The following CLCNKA variants were observed in gnomAD, a reference collection of about 807,000 sequenced individuals.
The protein encoded by CLCNKA is chloride voltage-gated channel Ka, also known as chloride channel protein ClC-Ka.
A neutral mutation model predicts 83.3 loss-of-function variants in CLCNKA; 66 were observed. The observed-to-expected ratio is 0.79, with a 90% confidence interval of 0.65 to 0.97. The LOEUF (loss-of-function observed/expected upper bound fraction) is 0.97. CLCNKA is among the 50% of genes least tolerant of loss of function. CLCNKA has a pLI of 0.00. For missense variants in CLCNKA, 806 were observed against 888.7 expected, an observed-to-expected ratio of 0.91 and a Z score of 1.18; for synonymous variants, 357 against 370.4, an observed-to-expected ratio of 0.96 and a Z score of 0.42.
chr1:16,026,917 C>A, intron 7 of CLCNKA, 142 bp downstream of exon 7: 1 of 1,142,530 alleles, frequency 8.8e-7, no homozygotes, highest in Non-Finnish European at 1.3e-6. Context: ...TGGGTATAGC[C>A]ACCCCCCGGG....
rs1490218549 is a variant in CLCNKA at position 16,029,810 on chromosome 1, G to A, written c.1297+10G>A. On this transcript the variant is annotated intron_variant, in intron 13 of 19. Transcript: ENST00000331433. ...CCCATCTTTATCCTTGGTGAGTCTG[G>A]GGTCCTGAGGTTCTGAGAGTTTTGG... is the stretch of plus-strand genomic sequence containing the variant. 6.2e-7 allele frequency: 1 copy of A among 1,613,974 alleles called. No homozygotes were observed. Among genetic ancestry groups the A allele is most frequent in the Non-Finnish European group, 8.5e-7 (1 of 1,180,010 alleles).
At position 16,027,307 on chromosome 1, in the gene CLCNKA, C is replaced by A. The variant is rs1227394826; in HGVS notation, c.656-3C>A. 35 of 1,613,082 alleles carry A rather than the reference C, an allele frequency of 2.2e-5. No individual in the cohort carries two copies. The highest frequency in any genetic ancestry group is 2.9e-5 in the Non-Finnish European group (34 of 1,179,992). ...GCCCACCTGACATCAGTGTCGCCCCCAGGCGTCCTGTTCAGCATCGAGGTC... is the reference window on the plus strand; with the variant it reads ...GCCCACCTGACATCAGTGTCGCCCCAAGGCGTCCTGTTCAGCATCGAGGTC... On this transcript the variant is annotated splice_region_variant and splice_polypyrimidine_tract_variant and intron_variant, in intron 7 of 19. Coordinates refer to ENST00000331433, the MANE Select transcript of CLCNKA (RefSeq NM_004070.4).
At chr1:16,029,502 T>C (rs964348677) in intron 12 of CLCNKA, among the ~76,000 whole-genome samples, 1 of 152,164 alleles carries the variant, frequency 6.6e-6, no homozygotes, top group African/African-American at 2.4e-5. Flanking sequence ...ATGGGGTGGT[T>C]ACTGGGAAGG....
intron 7 of CLCNKA, 74 bp from the exon 8 acceptor site, chr1:16,027,236 G>A (rs977949386): frequency 7.5e-6 from 12 of 1,596,844 alleles, no homozygotes; most frequent in Non-Finnish European, 1.0e-5. Context: ...GGGAGGAGGC[G>A]AGATGGGGGA....
At chr1:16,024,013 G>A (rs918792627) in intron 3 of CLCNKA, 85 bp downstream of exon 3, 34 of 1,552,488 alleles carry the variant, frequency 2.2e-5, no homozygotes, top group African/African-American at 1.5e-4. Flanking sequence ...CAAGTGCAGC[G>A]GTGCAGGGAC....
chr1:16,027,510 T>C, intron 8 of CLCNKA, 75 bp downstream of exon 8: 1 of 1,587,904 alleles, frequency 6.3e-7, no homozygotes, highest in Non-Finnish European at 8.6e-7. Flanking sequence ...CTCCTCTGTG[T>C]ACATCTCTTG....
intron 3 of CLCNKA, 148 bp from the exon 4 acceptor site, chr1:16,024,615 C>T (rs1197501444): frequency 9.0e-7 from 1 of 1,110,070 alleles, no homozygotes; most frequent in Admixed American, 2.3e-5. Flanking sequence ...CGTACTCCTG[C>T]CTTTTCTTGG....
intron 2 of CLCNKA, among the ~76,000 whole-genome samples, chr1:16,023,194 GC>G (rs1378850437): frequency 6.6e-6 from 1 of 152,222 alleles, no homozygotes; most frequent in East Asian, 1.9e-4. Flanking sequence ...AGTGGCTGGT[GC>G]CCACAGCCAG....
intron 15 of CLCNKA, 92 bp from the exon 16 acceptor site, chr1:16,031,618 C>T: frequency 6.3e-7 from 1 of 1,586,610 alleles, no homozygotes; most frequent in Non-Finnish European, 8.6e-7. Flanking sequence ...CCGTGGGTCC[C>T]TGGTTCAAGC....
chr1:16,031,675 A>G, intron 15 of CLCNKA, 35 bp from the exon 16 acceptor site: 1 of 1,613,066 alleles, frequency 6.2e-7, no homozygotes, highest in East Asian at 2.2e-5. Flanking sequence ...GACATCCCCG[A>G]CTCCGGGACC....
At chr1:16,026,276 C>T (rs748225468) in intron 5 of CLCNKA, 29 bp downstream of exon 5, 13 of 1,611,706 alleles carry the variant, frequency 8.1e-6, no homozygotes, top group Non-Finnish European at 1.0e-5. Context: ...GCACCCCAGC[C>T]ACCCCGCCCA....
chr1:16,028,245 C>T (rs971777306), intron 10 of CLCNKA, 126 bp downstream of exon 10: 16 of 876,718 alleles, frequency 1.8e-5, no homozygotes, highest in African/African-American at 6.5e-5. Flanking sequence ...CGTGGAGCAT[C>T]TAACAACCCT....
Position 16,032,254 on chromosome 1 carries a change from T to C in CLCNKA, c.1808T>C (p.Leu603Pro). Reference protein sequence around the residue: ...IVQRAQLVQALQAEPPSRAPG... With the variant: ...IVQRAQLVQAPQAEPPSRAPG... ...CAGAGGGCCCAGCTGGTGCAGGCCCTCCAGGCTGAGCCTCCTTCCAGGGCT... is the reference window on the plus strand; with the variant it reads ...CAGAGGGCCCAGCTGGTGCAGGCCCCCCAGGCTGAGCCTCCTTCCAGGGCT... Residue 603 changes from leucine (L) to proline (P), a missense_variant, in exon 17 of 20, where the codon CTC becomes CCC. Coordinates refer to ENST00000331433, the MANE Select transcript of CLCNKA (RefSeq NM_004070.4). 2 of 1,519,642 alleles carry C rather than the reference T, an allele frequency of 1.3e-6. No individual in the cohort carries two copies. The highest frequency in any genetic ancestry group is 1.8e-6 in the Non-Finnish European group (2 of 1,124,126). 94.1% of individuals were successfully genotyped at this position (1,519,642 alleles called of 1,614,324 possible).
chr1:16,026,365 G>A, intron 5 of CLCNKA, 118 bp downstream of exon 5: 1 of 1,488,022 alleles, frequency 6.7e-7, no homozygotes, highest in Non-Finnish European at 9.2e-7. Flanking sequence ...TGCCTTCAGG[G>A]AGCTCAGTCT....
At position 16,022,631 on chromosome 1, in the gene CLCNKA, G is replaced by T. The variant is rs1172313471; in HGVS notation, c.12G>T (p.Leu4Phe). The change falls in exon 2 of 20, where the codon TTG (leucine) becomes TTT (phenylalanine). Residue 4 changes from leucine (L) to phenylalanine (F), a missense_variant. Coordinates refer to ENST00000331433, the MANE Select transcript of CLCNKA (RefSeq NM_004070.4). MEE[L>F]VGLREGFSGD... Reference sequence around the variant, plus strand: ...TCTCCAGGGGCCTGATGGAGGAGTTGGTGGGGCTGCGTGAGGGCTTCTCAG... The same window carrying T: ...TCTCCAGGGGCCTGATGGAGGAGTTTGTGGGGCTGCGTGAGGGCTTCTCAG... The T allele has an allele frequency of 1.9e-5, 30 of 1,566,290 alleles. No homozygotes were observed. The highest frequency in any genetic ancestry group is 4.0e-5 in the African/African-American group (3 of 74,222).
chr1:16,022,615 G>A lies in CLCNKA; in HGVS notation c.-5G>A, dbSNP rs145184883. On this transcript the variant is annotated splice_region_variant and 5_prime_UTR_variant, in exon 2 of 20. Coordinates refer to ENST00000331433, the MANE Select transcript of CLCNKA (RefSeq NM_004070.4). The stretch of plus-strand genomic sequence containing the variant: ...CTTCCCTCCATCTGCTTCTCCAGGG[G>A]CCTGATGGAGGAGTTGGTGGGGCTG... 546 of 1,559,764 alleles carry A rather than the reference G, an allele frequency of 3.5e-4. 2 individuals are homozygous for A. Among genetic ancestry groups the A allele is most frequent in the Non-Finnish European group, 4.0e-4 (458 of 1,150,998 alleles).
Position 16,026,159 on chromosome 1 carries a change from A to T in CLCNKA, c.410A>T (p.Asp137Val). Residue 137 changes from aspartate to valine, a missense_variant, in exon 5 of 20, where the codon GAC becomes GTC. Physicochemically the swap from Asp to Val is radical, Grantham distance 152. Transcript: ENST00000331433. ...ATGTTGGCGGGTGTGATCTTGGAGG[A>T]CTACCTGGATATCAAGAACTTTGGG... ...KTMLAGVILEDYLDIKNFGAK... is the reference protein window; with the variant it reads ...KTMLAGVILEVYLDIKNFGAK... The T allele has an allele frequency of 6.2e-7, 1 of 1,613,466 alleles. No homozygotes were observed. Among genetic ancestry groups the T allele is most frequent in the Non-Finnish European group, 8.5e-7 (1 of 1,180,026 alleles).
Position 16,027,409 on chromosome 1 carries a change from T to A in CLCNKA, c.755T>A (p.Leu252His), listed in dbSNP as rs1182848553. The A allele has an allele frequency of 1.9e-6, 3 of 1,613,944 alleles. No individual in the cohort carries two copies. In the South Asian group the frequency reaches 3.3e-5, roughly 18 times the overall value. ...AATCGAFIFRLLAVFNSEQET... is the reference protein window; with the variant it reads ...AATCGAFIFRHLAVFNSEQET... ...ACCTGCGGGGCCTTCATATTCCGGC[T>A]CCTGGCAGTCTTCAACAGCGAGCAG... Residue 252 changes from leucine (L) to histidine (H), a missense_variant, in exon 8 of 20, where the codon CTC (leucine) becomes CAC (histidine). Coordinates refer to ENST00000331433, the MANE Select transcript of CLCNKA (RefSeq NM_004070.4).
chr1:16,027,963 C>A lies in CLCNKA; in HGVS notation c.867-55C>A. ...AAAGGCATTCCCCCCAAGGCCTGGACTGCGGCCCCTGGTACTGGGGTCAGG... is the reference window on the plus strand; with the variant it reads ...AAAGGCATTCCCCCCAAGGCCTGGAATGCGGCCCCTGGTACTGGGGTCAGG... On this transcript the variant is annotated intron_variant, in intron 9 of 19. Transcript: ENST00000331433. 7.4e-6 allele frequency: 12 copies of A among 1,614,040 alleles called. No homozygotes were observed. In the South Asian group the frequency reaches 1.3e-4, roughly 18 times the overall value.
Sources: allele counts gnomAD v4.1 joint callset (sites outside exome capture counted in the v4.1 genomes callset), GRCh38; gene constraint gnomAD v4.1.1; transcripts MANE v1.5; gene names NCBI Gene and HGNC (gene_info 2026-07-23, HGNC 2026-07-21).